The following CCSER1 variants were observed in gnomAD, a reference collection of about 807,000 sequenced individuals.
CCSER1 encodes coiled-coil serine rich protein 1.
A neutral mutation model predicts 82.0 loss-of-function variants in CCSER1; 41 were observed. The observed-to-expected ratio is 0.50, with a 90% CI of 0.39 to 0.65. CCSER1 has a LOEUF of 0.65. Among genes scored for constraint, CCSER1 ranks in the 30% least tolerant of loss-of-function variants. The probability of loss-of-function intolerance (pLI) is 0.00; values close to 1 mark genes in which losing one functional copy is unlikely to be tolerated. For missense variants in CCSER1, 1,119 were observed against 1,064.2 expected, an observed-to-expected ratio of 1.05 and a Z score of -0.72; for synonymous variants, 414 against 383.9, an observed-to-expected ratio of 1.08 and a Z score of -0.92.
intron 1 of CCSER1, among the ~76,000 whole-genome samples, chr4:90,238,806 GA>G (rs1370272454): frequency 6.6e-6 from 1 of 151,922 alleles, no homozygotes; most frequent in Non-Finnish European, 1.5e-5. Flanking sequence ...TAAATCTTCT[GA>G]AAACAGTCTT....
At chr4:90,875,790 G>T (rs1385611131) in intron 8 of CCSER1, among the ~76,000 whole-genome samples, 1 of 152,136 alleles carries the variant, frequency 6.6e-6, no homozygotes, top group African/African-American at 2.4e-5. Flanking sequence ...AAGAGCGAAG[G>T]TCAATGCACA....
chr4:90,397,423 G>A (rs1316948478), intron 3 of CCSER1, among the ~76,000 whole-genome samples: 1 of 152,184 alleles, frequency 6.6e-6, no homozygotes, highest in Non-Finnish European at 1.5e-5. Context: ...GTGGGTGAAT[G>A]TATTAACTGT....
intron 10 of CCSER1, among the ~76,000 whole-genome samples, chr4:91,409,864 G>A (rs1027904647): frequency 2.0e-5 from 3 of 152,082 alleles, no homozygotes; most frequent in African/African-American, 7.2e-5. Flanking sequence ...TGTATTTTTA[G>A]TAGAGACAGG....
chr4:91,173,959 A>G (rs1733038916), intron 10 of CCSER1, among the ~76,000 whole-genome samples: 1 of 152,204 alleles, frequency 6.6e-6, no homozygotes. Context: ...TAAAAATTGT[A>G]GTTTTTATAT....
intron 8 of CCSER1, among the ~76,000 whole-genome samples, chr4:90,894,166 C>T (rs546665746): frequency 9.2e-5 from 14 of 152,012 alleles, no homozygotes; most frequent in South Asian, 8.3e-4. Context: ...CAATTTAAAA[C>T]GTAGAATAAA....
chr4:90,279,500 A>T (rs892016322), intron 1 of CCSER1, among the ~76,000 whole-genome samples: 1 of 152,048 alleles, frequency 6.6e-6, no homozygotes, highest in Admixed American at 6.6e-5. Flanking sequence ...CCAAGATGAG[A>T]TAAAGAATTG....
chr4:91,369,849 T>C lies in CCSER1; in HGVS notation c.2218-228723T>C, dbSNP rs573021763. On this transcript the variant is annotated intron_variant, in intron 10 of 10. Coordinates refer to ENST00000509176, the MANE Select transcript of CCSER1 (RefSeq NM_001145065.2). ...CACGCCTAGCTAATTTTTTTTTTTT[T>C]GTATTTTTTTTTAGGAGAGACGGGG... 3.2e-3 allele frequency among the ~76,000 whole-genome samples: 456 copies of C among 143,912 alleles called. 1 individual carries two copies. Among genetic ancestry groups the C allele is most frequent in the African/African-American group, 0.011 (436 of 39,320 alleles). The allele number at this position is 143,912 out of a possible 152,430, so 94.4% of individuals were successfully genotyped here. A position where few individuals can be genotyped will look rare whatever the true frequency, so the allele number is the denominator to read the frequency against.
chr4:91,387,849 T>A lies in CCSER1; in HGVS notation c.2218-210723T>A, dbSNP rs536656967. 3.3e-4 allele frequency among the ~76,000 whole-genome samples: 50 copies of A among 152,206 alleles called. 1 individual carries two copies. In the South Asian group the frequency reaches 0.01, roughly 31 times the overall value. Reference sequence around the variant, plus strand: ...TCTTGAAGGAGCATTTAAATTAAACTTAAAAGACAGGTAATTCTTTAATAA... The same window carrying A: ...TCTTGAAGGAGCATTTAAATTAAACATAAAAGACAGGTAATTCTTTAATAA... On this transcript the variant is annotated intron_variant, in intron 10 of 10. Coordinates refer to ENST00000509176, the MANE Select transcript of CCSER1 (RefSeq NM_001145065.2).
At chr4:91,389,930 C>T (rs1751544765) in intron 10 of CCSER1, among the ~76,000 whole-genome samples, 1 of 151,998 alleles carries the variant, frequency 6.6e-6, no homozygotes, top group South Asian at 2.1e-4. Flanking sequence ...ATTTCCTGTG[C>T]ATTGTTATAA....
intron 10 of CCSER1, among the ~76,000 whole-genome samples, chr4:91,307,468 G>A (rs567370389): frequency 6.6e-6 from 1 of 151,834 alleles, no homozygotes; most frequent in African/African-American, 2.4e-5. Context: ...ACAGCTGTAA[G>A]CAAATTTTTA....
intron 7 of CCSER1, among the ~76,000 whole-genome samples, chr4:90,762,003 T>C (rs998658116): frequency 3.9e-5 from 6 of 152,066 alleles, no homozygotes; most frequent in African/African-American, 1.4e-4. Flanking sequence ...TATAAAAACA[T>C]ATAAAGAAAG....
At chr4:90,951,605 A>C (rs72882874) in intron 9 of CCSER1, among the ~76,000 whole-genome samples, 11,213 of 152,156 alleles carry the variant, frequency 0.074, 922 homozygotes, top group African/African-American at 0.2. Context: ...ATGATAAAAA[A>C]TGTACGAAGT....
chr4:90,754,751 G>C (rs1749225143), intron 7 of CCSER1, among the ~76,000 whole-genome samples: 1 of 152,066 alleles, frequency 6.6e-6, no homozygotes, highest in African/African-American at 2.4e-5. Flanking sequence ...TGTTTTAGTA[G>C]AAATAGCATT....
At chr4:91,591,502 T>C (rs1174269692) in intron 10 of CCSER1, among the ~76,000 whole-genome samples, 1 of 152,118 alleles carries the variant, frequency 6.6e-6, no homozygotes, top group Non-Finnish European at 1.5e-5. Flanking sequence ...AATAATAAAG[T>C]GATCTACTCA....
At chr4:91,355,781 C>A (rs1748786321) in intron 10 of CCSER1, among the ~76,000 whole-genome samples, 1 of 152,146 alleles carries the variant, frequency 6.6e-6, no homozygotes, top group Non-Finnish European at 1.5e-5. Flanking sequence ...TGCTCCCATC[C>A]ACGTACAGCT....
chr4:90,940,086 A>G (rs1731413088), intron 9 of CCSER1, among the ~76,000 whole-genome samples: 2 of 152,204 alleles, frequency 1.3e-5, no homozygotes. Context: ...TCAATTGAAG[A>G]TCTTTTACCA....
At chr4:90,456,558 C>T (rs1762190352) in intron 4 of CCSER1, among the ~76,000 whole-genome samples, 1 of 152,166 alleles carries the variant, frequency 6.6e-6, no homozygotes, top group African/African-American at 2.4e-5. Flanking sequence ...CCAGGACCTC[C>T]TTCTGATCCC....
chr4:91,285,243 A>G (rs1022999695), intron 10 of CCSER1, among the ~76,000 whole-genome samples: 1 of 143,312 alleles, frequency 7.0e-6, no homozygotes, highest in African/African-American at 2.8e-5. Context: ...AAAAACTTCA[A>G]TGGGTTTTTT....
intron 10 of CCSER1, among the ~76,000 whole-genome samples, chr4:91,343,632 A>T (rs1747865750): frequency 6.6e-6 from 1 of 152,152 alleles, no homozygotes. Context: ...AATTTCCTTT[A>T]ACAGTACCTA....
Sources: gnomAD v4.1 joint callset for allele counts (sites outside exome capture counted in the v4.1 genomes callset) on GRCh38, gnomAD v4.1.1 for gene constraint, MANE v1.5 for transcripts, NCBI Gene and HGNC (gene_info 2026-07-23, HGNC 2026-07-21) for gene names.